The following LIN7A variants were observed in gnomAD, a reference collection of about 807,000 sequenced individuals.
LIN7A encodes the protein lin-7 cell polarity scaffold A, also known as protein lin-7 homolog A.
Under a neutral mutation model 29.8 loss-of-function variants are expected in LIN7A, and 25 were observed. The observed-to-expected ratio is 0.84, with a 90% CI of 0.61 to 1.17. The LOEUF is 1.17. LIN7A is among the 50% of genes most tolerant of loss of function. The pLI is 0.00. For synonymous variants in LIN7A, 118 were observed against 107.5 expected (o/e 1.10, Z -0.60); for missense variants, 239 against 287.0 (o/e 0.83, Z 1.21).
At chr12:80,891,515 A>G (rs1418857808) in intron 1 of LIN7A, among the ~76,000 whole-genome samples, 1 of 152,178 alleles carries the variant, frequency 6.6e-6, no homozygotes, top group African/African-American at 2.4e-5. Context: ...TGTTCCTGAA[A>G]TGCAATTCAT....
intron 1 of LIN7A, among the ~76,000 whole-genome samples, chr12:80,894,134 T>G (rs11114647): frequency 0.081 from 12,271 of 152,250 alleles, 678 homozygotes; most frequent in East Asian, 0.2. Flanking sequence ...TATTCTTAAA[T>G]CCATTGGAAT....
At chr12:80,802,229 CAT>C (rs879809287) in intron 5 of LIN7A, among the ~76,000 whole-genome samples, 7 of 152,098 alleles carry the variant, frequency 4.6e-5, no homozygotes, top group Admixed American at 2.6e-4. Flanking sequence ...ATAAGTGAGA[CAT>C]GTGGTATTTG....
At chr12:80,816,432 A>C (rs1871539433) in intron 4 of LIN7A, among the ~76,000 whole-genome samples, 1 of 151,330 alleles carries the variant, frequency 6.6e-6, no homozygotes. Context: ...GTGTATATAT[A>C]CACACTCACA....
intron 4 of LIN7A, among the ~76,000 whole-genome samples, chr12:80,834,404 C>T (rs903234333): frequency 5.9e-5 from 9 of 152,108 alleles, no homozygotes; most frequent in Non-Finnish European, 8.8e-5. Context: ...CATGACTTCT[C>T]TTGAGAAGTG....
chr12:80,925,646 T>C (rs941447003), intron 1 of LIN7A, among the ~76,000 whole-genome samples: 3 of 152,188 alleles, frequency 2.0e-5, no homozygotes, highest in Non-Finnish European at 4.4e-5. Flanking sequence ...CAAGTAACTT[T>C]GAGGGAAATT....
intron 5 of LIN7A, among the ~76,000 whole-genome samples, chr12:80,810,675 C>G (rs1358865164): frequency 1.3e-5 from 2 of 152,168 alleles, no homozygotes; most frequent in Non-Finnish European, 2.9e-5. Flanking sequence ...TATTGTCTGT[C>G]AAATTGGCTG....
intron 2 of LIN7A, among the ~76,000 whole-genome samples, chr12:80,852,585 A>G (rs905120492): frequency 3.3e-5 from 5 of 152,104 alleles, no homozygotes; most frequent in African/African-American, 1.2e-4. Context: ...TATTATTTCT[A>G]TTATTACTAT....
chr12:80,823,296 G>T (rs1294970197), intron 4 of LIN7A, among the ~76,000 whole-genome samples: 1 of 152,180 alleles, frequency 6.6e-6, no homozygotes, highest in East Asian at 1.9e-4. Context: ...GCCTTTTGGG[G>T]AGCCCAGACC....
intron 2 of LIN7A, among the ~76,000 whole-genome samples, chr12:80,873,398 T>C (rs1814959364): frequency 6.6e-6 from 1 of 152,010 alleles, no homozygotes; most frequent in South Asian, 2.1e-4. Context: ...TGGGGCATGG[T>C]TGCACAAGCC....
chr12:80,907,738 G>T (rs1429134529), intron 1 of LIN7A, among the ~76,000 whole-genome samples: 1 of 152,046 alleles, frequency 6.6e-6, no homozygotes, highest in African/African-American at 2.4e-5. Context: ...CACCAACCTG[G>T]CTTTTTAGAG....
chr12:80,806,184 G>T (rs1870979108), intron 5 of LIN7A, among the ~76,000 whole-genome samples: 1 of 151,988 alleles, frequency 6.6e-6, no homozygotes, highest in Non-Finnish European at 1.5e-5. Flanking sequence ...TCCCGGTTTT[G>T]GGTACATTTT....
intron 2 of LIN7A, among the ~76,000 whole-genome samples, chr12:80,887,188 C>A (rs1875373590): frequency 6.6e-6 from 1 of 152,048 alleles, no homozygotes; most frequent in Non-Finnish European, 1.5e-5. Context: ...ATTTTGCTCT[C>A]AAAAATATAT....
intron 4 of LIN7A, among the ~76,000 whole-genome samples, chr12:80,839,605 T>A (rs932379668): frequency 1.3e-5 from 2 of 152,194 alleles, no homozygotes; most frequent in African/African-American, 4.8e-5. Flanking sequence ...ACTTTTTATG[T>A]TTTCTCTTTG....
intron 1 of LIN7A, among the ~76,000 whole-genome samples, chr12:80,900,794 TAAC>T (rs1029471076): frequency 6.6e-6 from 1 of 152,176 alleles, no homozygotes; most frequent in Non-Finnish European, 1.5e-5. Context: ...ATTCACTAGT[TAAC>T]AATGATACCA....
chr12:80,811,228 T>C (rs1871270126), intron 5 of LIN7A, among the ~76,000 whole-genome samples: 1 of 152,208 alleles, frequency 6.6e-6, no homozygotes, highest in African/African-American at 2.4e-5. Flanking sequence ...AATTATCTTA[T>C]ATTTGTGGAG....
intron 4 of LIN7A, among the ~76,000 whole-genome samples, chr12:80,844,142 G>A (rs1041004117): frequency 6.6e-6 from 1 of 151,932 alleles, no homozygotes; most frequent in Non-Finnish European, 1.5e-5. Context: ...TCTATGTGAC[G>A]CAATTGTGTG....
intron 4 of LIN7A, among the ~76,000 whole-genome samples, chr12:80,814,404 T>G (rs1261681399): frequency 1.4e-5 from 2 of 142,410 alleles, no homozygotes; most frequent in Non-Finnish European, 3.2e-5. Context: ...ATATTAAAAC[T>G]TACATGTTTA....
chr12:80,819,875 T>A (rs1172108331), intron 4 of LIN7A, among the ~76,000 whole-genome samples: 1 of 152,224 alleles, frequency 6.6e-6, no homozygotes. Context: ...GGGCTTTAGA[T>A]GTTTACAGAC....
intron 2 of LIN7A, among the ~76,000 whole-genome samples, chr12:80,882,609 C>T (rs757530685): frequency 1.3e-5 from 2 of 152,078 alleles, no homozygotes; most frequent in African/African-American, 4.8e-5. Flanking sequence ...ATACTTACAC[C>T]TATTTTATGT....
Sources: allele counts gnomAD v4.1 joint callset (sites outside exome capture counted in the v4.1 genomes callset), GRCh38; gene constraint gnomAD v4.1.1; transcripts MANE v1.5; gene names NCBI Gene and HGNC (gene_info 2026-07-23, HGNC 2026-07-21).